Variants in CDH23 observed in about 807,000 individuals in gnomAD.
CDH23 encodes cadherin-23.
In CDH23, 189 loss-of-function variants were observed where a neutral mutation model predicts 317.1. The ratio of observed to expected loss-of-function variants is 0.60; its 90% confidence interval spans 0.53 to 0.67. The LOEUF (loss-of-function observed/expected upper bound fraction) is 0.67, where lower values mean the gene tolerates loss of function less well. CDH23 is among the 30% of genes least tolerant of loss of function. The pLI is 0.00. For missense variants in CDH23, 4,401 were observed against 4,592.4 expected, an observed-to-expected ratio of 0.96 and a Z score of 1.20; for synonymous variants, 1,839 against 1,876.8, an observed-to-expected ratio of 0.98 and a Z score of 0.52.
chr10:71,644,502 T>C (rs556322635), intron 12 of CDH23, among the ~76,000 whole-genome samples: 17 of 152,226 alleles, frequency 1.1e-4, no homozygotes, highest in Non-Finnish European at 2.2e-4. Flanking sequence ...CAGGCTTCAC[T>C]GGGGGTATCA....
intron 30 of CDH23, among the ~76,000 whole-genome samples, chr10:71,727,662 TAC>T (rs201847134): frequency 6.6e-5 from 10 of 151,070 alleles, no homozygotes; most frequent in African/African-American, 1.9e-4. Flanking sequence ...TCACGACACA[TAC>T]ACACACACAC....
intron 14 of CDH23, among the ~76,000 whole-genome samples, chr10:71,673,682 C>G (rs1199863732): frequency 2.0e-5 from 3 of 152,208 alleles, no homozygotes; most frequent in Non-Finnish European, 1.5e-5. Flanking sequence ...AGCTGTGAAG[C>G]CTTGAGTGAA....
chr10:71,765,439 G>C (rs1367341136), intron 38 of CDH23, among the ~76,000 whole-genome samples: 1 of 152,216 alleles, frequency 6.6e-6, no homozygotes, highest in African/African-American at 2.4e-5. Flanking sequence ...GGGGTTGGGG[G>C]CCCTCAAGTG....
chr10:71,776,902 G>A (rs1489465907), intron 38 of CDH23, among the ~76,000 whole-genome samples: 3 of 152,262 alleles, frequency 2.0e-5, no homozygotes, highest in African/African-American at 4.8e-5. Context: ...GTCCACAGGG[G>A]ACATCTTCCC....
chr10:71,425,219 CAGAGAGAGAGAGGGAGAGAGAG>C (rs1457697759), intron 1 of CDH23, among the ~76,000 whole-genome samples: 24 of 55,194 alleles, frequency 4.3e-4, no homozygotes, highest in South Asian at 1.2e-3. Context: ...CACAGTGGGG[CAGAGAGAGAGAGGGAGAGAGAG>C]AGAGAGAGAG....
intron 1 of CDH23, among the ~76,000 whole-genome samples, chr10:71,411,552 AAAT>A (rs1472483812): frequency 2.6e-5 from 4 of 152,232 alleles, no homozygotes; most frequent in South Asian, 2.1e-4. Context: ...TGTTTTCTAT[AAAT>A]AATAACAGTT....
rs115510021 is a variant in CDH23 at position 71,583,403 on chromosome 10, C to T, written c.832+5411C>T. Among the ~76,000 whole-genome samples the T allele has an allele frequency of 2.2e-3, 336 of 151,950 alleles. 1 individual carries two copies. Among genetic ancestry groups the T allele is most frequent in the African/African-American group, 7.6e-3 (315 of 41,412 alleles). On this transcript the variant is annotated intron_variant, in intron 9 of 69. Coordinates refer to ENST00000224721, the MANE Select transcript of CDH23 (RefSeq NM_022124.6). ...GGAGTGGGGTGCATAGTCAGGATTG[C>T]GTTTGGGAAGCCCACTGTGGTCAAG...
At chr10:71,560,920 G>A (rs532955949) in intron 6 of CDH23, among the ~76,000 whole-genome samples, 1 of 152,240 alleles carries the variant, frequency 6.6e-6, no homozygotes, top group South Asian at 2.1e-4. Context: ...CACCTTTAGA[G>A]ATGGCACCTA....
chr10:71,801,833 G>A (rs971741223), intron 53 of CDH23, among the ~76,000 whole-genome samples: 2 of 152,200 alleles, frequency 1.3e-5, no homozygotes, highest in African/African-American at 2.4e-5. Flanking sequence ...CATGTGCTGT[G>A]TTGGGAAAAA....
rs1554847655 is a variant in CDH23, at chr10:71,625,421, A to AAAC, written c.1134+8030_1134+8031insCAA. Among the ~76,000 whole-genome samples the AAAC allele has an allele frequency of 3.7e-3, 338 of 92,358 alleles. 20 individuals carry two copies. The highest frequency in any genetic ancestry group is 0.011 in the African/African-American group (263 of 24,892). The allele number at this position is 92,358 out of a possible 152,430, so 60.6% of individuals were successfully genotyped here. A position where few individuals can be genotyped will look rare whatever the true frequency, so the allele number is the denominator to read the frequency against. On this transcript the variant is annotated intron_variant, in intron 11 of 69. Coordinates refer to ENST00000224721, the MANE Select transcript of CDH23 (RefSeq NM_022124.6). The stretch of plus-strand genomic sequence containing the variant: ...TAAAAAAAAAAAAAAAAAAAAAAAA[A>AAAC]AAATGACAAGGAGAAAAGGCCATAT...
chr10:71,520,314 A>AGTC (rs573345654), intron 6 of CDH23, among the ~76,000 whole-genome samples: 346 of 152,326 alleles, frequency 2.3e-3, no homozygotes, highest in African/African-American at 7.8e-3. Flanking sequence ...AAAATGAAAG[A>AGTC]GTCATCAAGA....
At chr10:71,683,651 G>C (rs953049387) in intron 18 of CDH23, among the ~76,000 whole-genome samples, 1 of 152,138 alleles carries the variant, frequency 6.6e-6, no homozygotes, top group Non-Finnish European at 1.5e-5. Flanking sequence ...ATTTAGGGGG[G>C]GCCAGGAGGA....
intron 15 of CDH23, among the ~76,000 whole-genome samples, chr10:71,677,252 G>A (rs936827597): frequency 6.6e-6 from 1 of 152,034 alleles, no homozygotes; most frequent in African/African-American, 2.4e-5. Flanking sequence ...TGCCCACCTC[G>A]TGTGATCCTG....
Position 71,761,795 on chromosome 10 carries a change from T to C in CDH23, c.4846-15885T>C, listed in dbSNP as rs776190951. The C allele has an allele frequency of 1.9e-6, 3 of 1,614,130 alleles. No homozygotes were observed. The East Asian group carries it at 6.7e-5, about 36-fold the overall frequency. On this transcript the variant is annotated intron_variant, in intron 38 of 69. Transcript: ENST00000224721. ...CAGGTCGTGGCTGGTGTTGGCAGCC[T>C]GGTGGCCTCCATGGTGCAGGTGAAG... is the stretch of plus-strand genomic sequence containing the variant.
At chr10:71,712,082 T>G (rs1228018426) in intron 27 of CDH23, 1 of 153,472 alleles carries the variant, frequency 6.5e-6, no homozygotes, top group African/African-American at 2.4e-5. Flanking sequence ...CGTCCCAGTT[T>G]CTGGAGTCGC....
Position 71,751,716 on chromosome 10 carries a change from T to G in CDH23, c.4845+9795T>G. On this transcript the variant is annotated intron_variant, in intron 38 of 69. Transcript: ENST00000224721. This position sits in a 1 kb window ranked among gnomAD's most constrained non-coding sequence, Gnocchi z 4.9. The stretch of plus-strand genomic sequence containing the variant: ...CCGGGGCCTGGAGGAGACAGGGGGG[T>G]GCTGGGCTCCGAAAGCAGATGCCGC... The G allele has an allele frequency of 1.3e-6, 2 of 1,573,326 alleles. No homozygotes were observed. Among genetic ancestry groups the G allele is most frequent in the African/African-American group, 1.4e-5 (1 of 73,308 alleles).
At chr10:71,747,082 C>T (rs1160438420) in intron 38 of CDH23, among the ~76,000 whole-genome samples, 1 of 152,216 alleles carries the variant, frequency 6.6e-6, no homozygotes, top group African/African-American at 2.4e-5. Context: ...AGCACAAGTA[C>T]ATCCAGACCC....
At chr10:71,696,381 A>C (rs1865391688) in intron 22 of CDH23, among the ~76,000 whole-genome samples, 1 of 151,990 alleles carries the variant, frequency 6.6e-6, no homozygotes, top group Non-Finnish European at 1.5e-5. Flanking sequence ...CTTCTCAGGA[A>C]CTCTCTCCTC....
intron 28 of CDH23, 126 bp from the exon 29 acceptor site, chr10:71,723,919 G>T (rs894652488): frequency 9.4e-7 from 1 of 1,067,690 alleles, no homozygotes; most frequent in Admixed American, 2.0e-5. Context: ...CCCAGCCTCT[G>T]AGGGAGACCA....
Sources: gnomAD v4.1 joint callset for allele counts (sites outside exome capture counted in the v4.1 genomes callset) on GRCh38, gnomAD v4.1.1 for gene constraint, Gnocchi (gnomAD v3.1) non-coding constraint, MANE v1.5 for transcripts, NCBI Gene and HGNC (gene_info 2026-07-23, HGNC 2026-07-21) for gene names.